Variants in TMEM175 observed in about 807,000 individuals in gnomAD.
The protein encoded by TMEM175 is endosomal/lysosomal proton channel TMEM175.
TMEM175 carries 36 observed loss-of-function variants against 36.5 expected under a neutral mutation model. The ratio of observed to expected loss-of-function variants is 0.99; its 90% CI spans 0.76 to 1.30. The LOEUF is 1.30. Ranked by LOEUF, TMEM175 falls within the 50% of genes most tolerant of loss-of-function variation. TMEM175 has a pLI of 0.00. For missense variants in TMEM175, 705 were observed against 692.8 expected, an observed-to-expected ratio of 1.02 and a Z score of -0.20; for synonymous variants, 339 against 313.4, an observed-to-expected ratio of 1.08 and a Z score of -0.86.
At chr4:941,012 A>ATAATAATAG (rs1289071215) in intron 1 of TMEM175, among the ~76,000 whole-genome samples, 1 of 89,836 alleles carries the variant, frequency 1.1e-5, no homozygotes, top group African/African-American at 3.5e-5. Context: ...TCTCAAAATA[A>ATAATAATAG]TAATAATAAT....
intron 8 of TMEM175, among the ~76,000 whole-genome samples, chr4:953,750 A>G (rs1316065851): frequency 2.0e-5 from 3 of 152,172 alleles, no homozygotes; most frequent in Admixed American, 1.3e-4. Context: ...CAGTGGTGTG[A>G]TCTTGGCTCA....
At position 958,428 on chromosome 4, in the gene TMEM175, G is replaced by T. The variant is rs201137093; in HGVS notation, c.1447G>T (p.Glu483Ter). 1.9e-6 allele frequency: 3 copies of T among 1,594,358 alleles called. No homozygotes were observed. The highest frequency in any genetic ancestry group is 2.5e-6 in the Non-Finnish European group (3 of 1,176,678). Residue 483 changes from glutamate to a stop codon, truncating the protein, a stop_gained, in exon 11 of 11, where the codon GAA becomes TAA. Coordinates refer to ENST00000264771, the MANE Select transcript of TMEM175 (RefSeq NM_032326.4). LOFTEE classifies it low-confidence loss of function (END_TRUNC). Reference sequence around the variant, plus strand: ...GGTCCTGCGGGGCCTCGCCCGGCCCGAACACCCCCCGCCAGCCCCCACGGG... The same window carrying T: ...GGTCCTGCGGGGCCTCGCCCGGCCCTAACACCCCCCGCCAGCCCCCACGGG... ...LRVLRGLARP[E>*]HPPPAPTGQD...
intron 4 of TMEM175, among the ~76,000 whole-genome samples, chr4:950,882 G>A (rs1728801394): frequency 6.6e-6 from 1 of 150,820 alleles, no homozygotes; most frequent in South Asian, 2.2e-4. Context: ...AGGTGGAGGT[G>A]TGGATGGTGC....
At chr4:957,769 G>C (rs954805540) in intron 10 of TMEM175, 55 bp from the exon 11 acceptor site, 4 of 1,533,214 alleles carry the variant, frequency 2.6e-6, no homozygotes, top group Admixed American at 1.9e-5. Context: ...CACCCTGCTG[G>C]GGCCTGTGTG....
At chr4:950,090 C>T (rs1453314282) in intron 3 of TMEM175, among the ~76,000 whole-genome samples, 1 of 152,024 alleles carries the variant, frequency 6.6e-6, no homozygotes, top group Non-Finnish European at 1.5e-5. Context: ...AAGAGCTGAC[C>T]CCCCAGCAGG....
At position 937,778 on chromosome 4, in the gene TMEM175, A is replaced by G. The variant is rs1443424814; in HGVS notation, c.-32+5238A>G. 5.3e-5 allele frequency among the ~76,000 whole-genome samples: 8 copies of G among 152,372 alleles called. No individual in the cohort carries two copies. The East Asian group carries it at 1.5e-3, about 29-fold the overall frequency. On this transcript the variant is annotated intron_variant, in intron 1 of 10. Coordinates refer to ENST00000264771, the MANE Select transcript of TMEM175 (RefSeq NM_032326.4). ...ATATCTCTTGTGAACATAGACAAGA[A>G]AATGCATTTAAAACATTGTTTAGCA...
chr4:953,431 AAC>A, intron 8 of TMEM175, 77 bp downstream of exon 8: 1 of 1,492,152 alleles, frequency 6.7e-7, no homozygotes. Context: ...CTGAGCAACA[AAC>A]ACGGGGGTGG....
At chr4:953,078 C>A in intron 7 of TMEM175, 112 bp from the exon 8 acceptor site, 1 of 1,179,938 alleles carries the variant, frequency 8.5e-7, no homozygotes, top group Non-Finnish European at 1.2e-6. Flanking sequence ...GGGGCCAGGT[C>A]CTCCCCACCT....
intron 1 of TMEM175, among the ~76,000 whole-genome samples, chr4:935,464 C>A (rs761092321): frequency 1.6e-4 from 25 of 151,718 alleles, no homozygotes; most frequent in South Asian, 7.0e-4. Context: ...GGGGTGAATT[C>A]ATCGAAAAGA....
At chr4:948,317 C>G in intron 3 of TMEM175, 163 bp downstream of exon 3, 16 of 1,546,740 alleles carry the variant, frequency 1.0e-5, no homozygotes, top group Non-Finnish European at 1.4e-5. Flanking sequence ...AGGGAGCCAA[C>G]AAGTCCTGCT....
intron 1 of TMEM175, among the ~76,000 whole-genome samples, chr4:942,227 C>T (rs1266795865): frequency 2.0e-5 from 3 of 151,924 alleles, no homozygotes; most frequent in African/African-American, 7.3e-5. Context: ...CAACCATGCC[C>T]AGCTAATTTT....
At position 950,472 on chromosome 4, in the gene TMEM175, C is replaced by G. The variant is rs146669830; in HGVS notation, c.244C>G (p.Leu82Val). The G allele has an allele frequency of 1.4e-4, 234 of 1,614,112 alleles. 1 individual carries two copies. The African/African-American group carries it at 2.5e-3, about 17-fold the overall frequency. The part of the protein sequence containing the change: ...RLLATRIAVY[L>V]MTFLIVTVAW... Reference sequence around the variant, plus strand: ...TCTGGCAACACGGATTGCCGTCTACCTGATGACCTTTCTCATCGTGACAGT... The same window carrying G: ...TCTGGCAACACGGATTGCCGTCTACGTGATGACCTTTCTCATCGTGACAGT... The change falls in exon 4 of 11, where the codon CTG becomes GTG. Residue 82 changes from leucine (L) to valine (V), a missense_variant. By Grantham distance (32) the Leu-to-Val change is conservative. Transcript: ENST00000264771.
Position 951,230 on chromosome 4 carries a change from C to T in TMEM175, c.314C>T (p.Thr105Ile). The T allele has an allele frequency of 3.7e-6, 6 of 1,614,104 alleles. No homozygotes were observed. The highest frequency in any genetic ancestry group is 5.1e-6 in the Non-Finnish European group (6 of 1,180,006). The change falls in exon 5 of 11, where the codon ACA becomes ATA. Residue 105 changes from threonine to isoleucine, a missense_variant. By Grantham distance (89) the Thr-to-Ile change is moderately conservative. Coordinates refer to ENST00000264771, the MANE Select transcript of TMEM175 (RefSeq NM_032326.4). The part of the protein sequence containing the change: ...HTRLFQVVGK[T>I]DDTLALLNLA... ...AGGTTGTTCCAAGTTGTTGGGAAAACAGACGACACACTTGCCCTGCTCAAC... is the reference window on the plus strand; with the variant it reads ...AGGTTGTTCCAAGTTGTTGGGAAAATAGACGACACACTTGCCCTGCTCAAC...
At chr4:957,272 C>T (rs998196828) in intron 10 of TMEM175, among the ~76,000 whole-genome samples, 1 of 152,202 alleles carries the variant, frequency 6.6e-6, no homozygotes, top group African/African-American at 2.4e-5. Context: ...TGAAGGACGA[C>T]ACTGTTCCCG....
In TMEM175 at chr4:953,302, G is replaced by T; in HGVS notation, c.575G>T (p.Gly192Val). Residue 192 changes from glycine to valine, a missense_variant, in exon 8 of 11, where the codon GGC becomes GTC. By Grantham distance (109) the Gly-to-Val change is moderately radical. Transcript: ENST00000264771. ...RRHVLGIVLQ[G>V]PALCFAAAIF... Reference sequence around the variant, plus strand: ...CACGTCCTGGGCATCGTCCTCCAAGGCCCGGCCCTGTGCTTTGCAGCGGCC... The same window carrying T: ...CACGTCCTGGGCATCGTCCTCCAAGTCCCGGCCCTGTGCTTTGCAGCGGCC... 2 of 1,614,068 alleles carry T rather than the reference G, an allele frequency of 1.2e-6. No homozygotes were observed. Among genetic ancestry groups the T allele is most frequent in the Non-Finnish European group, 1.7e-6 (2 of 1,179,974 alleles).
chr4:957,240 A>C (rs1175998619), intron 10 of TMEM175, among the ~76,000 whole-genome samples: 1 of 150,498 alleles, frequency 6.6e-6, no homozygotes, highest in East Asian at 2.0e-4. Flanking sequence ...CATGAGGACC[A>C]CTGTCCTTCA....
Position 955,455 on chromosome 4 carries a change from C to A in TMEM175, c.678C>A (p.Val226=). ...TVILLPYVSK[V]TGWCRDRLLG... ...TCCTCCTCCCCTATGTCAGCAAGGTCACCGGCTGGTGCAGAGACAGGCTCC... is the reference window on the plus strand; with the variant it reads ...TCCTCCTCCCCTATGTCAGCAAGGTAACCGGCTGGTGCAGAGACAGGCTCC... The change falls in exon 9 of 11, where the codon GTC becomes GTA. Residue 226 remains valine (V), a synonymous_variant. Transcript: ENST00000264771. 6.2e-7 allele frequency: 1 copy of A among 1,614,126 alleles called. No individual in the cohort carries two copies. Among genetic ancestry groups the A allele is most frequent in the South Asian group, 1.1e-5 (1 of 91,050 alleles).
chr4:935,171 A>T (rs1253135112), intron 1 of TMEM175, among the ~76,000 whole-genome samples: 1 of 152,216 alleles, frequency 6.6e-6, no homozygotes, highest in Non-Finnish European at 1.5e-5. Flanking sequence ...AAACCTTGTA[A>T]TCACTTTGGA....
chr4:934,935 A>G (rs1726628185), intron 1 of TMEM175, among the ~76,000 whole-genome samples: 1 of 152,210 alleles, frequency 6.6e-6, no homozygotes, highest in Non-Finnish European at 1.5e-5. Context: ...AGGTGAAGGA[A>G]TTCTCTAATG....
Sources: allele counts gnomAD v4.1 joint callset (sites outside exome capture counted in the v4.1 genomes callset), GRCh38; gene constraint gnomAD v4.1.1; transcripts MANE v1.5; gene names NCBI Gene and HGNC (gene_info 2026-07-23, HGNC 2026-07-21).